ARID1A: variants seen among roughly 807,000 people sequenced by gnomAD.
The protein encoded by ARID1A is AT-rich interaction domain 1A, also known as AT-rich interactive domain-containing protein 1A.
Under a neutral mutation model 212.6 loss-of-function variants are expected in ARID1A, and 20 were observed. The ratio of observed to expected loss-of-function variants is 0.09; its 90% CI spans 0.07 to 0.14. The LOEUF (loss-of-function observed/expected upper bound fraction) is 0.14. Among genes scored for constraint, ARID1A ranks in the 10% least tolerant of loss-of-function variants. The pLI is 1.00. For missense variants in ARID1A, 2,587 were observed against 3,059.0 expected, an observed-to-expected ratio of 0.85 and a Z score of 3.64; for synonymous variants, 1,376 against 1,222.1, an observed-to-expected ratio of 1.13 and a Z score of -2.63.
chr1:26,777,393 A>AT (rs773418013), intron 19 of ARID1A, among the ~76,000 whole-genome samples: 3,324 of 136,340 alleles, frequency 0.024, 58 homozygotes, highest in African/African-American at 0.05. Flanking sequence ...TGCTCAGCTA[A>AT]TTTTTTTTTT....
intron 1 of ARID1A, among the ~76,000 whole-genome samples, chr1:26,713,839 T>C (rs75135799): frequency 0.011 from 1,615 of 152,340 alleles, 19 homozygotes; most frequent in African/African-American, 0.036. Context: ...CAGTACAGAT[T>C]TGTAACATTG....
intron 1 of ARID1A, among the ~76,000 whole-genome samples, chr1:26,722,094 C>T (rs1389570207): frequency 6.6e-6 from 1 of 152,148 alleles, no homozygotes; most frequent in African/African-American, 2.4e-5. Context: ...CATCTGGTTG[C>T]AAGCGCCTTC....
At chr1:26,717,233 G>A (rs2080512182) in intron 1 of ARID1A, among the ~76,000 whole-genome samples, 1 of 152,042 alleles carries the variant, frequency 6.6e-6, no homozygotes, top group Non-Finnish European at 1.5e-5. Flanking sequence ...TTTTTAAGTA[G>A]GTATTTTGAA....
intron 1 of ARID1A, among the ~76,000 whole-genome samples, chr1:26,710,201 C>T (rs1201274188): frequency 2.0e-5 from 3 of 148,354 alleles, no homozygotes; most frequent in Middle Eastern, 3.4e-3. Context: ...TTTGGGAGGC[C>T]AAGGCGGGTG....
chr1:26,727,249 C>T (rs1055680219), intron 1 of ARID1A, among the ~76,000 whole-genome samples: 18 of 152,116 alleles, frequency 1.2e-4, no homozygotes, highest in Admixed American at 1.0e-3. Context: ...ACTACACTAC[C>T]CTCTATGTAA....
At chr1:26,732,873 T>C in intron 4 of ARID1A, 81 bp downstream of exon 4, 1 of 1,249,446 alleles carries the variant, frequency 8.0e-7, no homozygotes, top group Non-Finnish European at 1.1e-6. Flanking sequence ...GGTTGGAAGT[T>C]TAGCTAATTT....
At chr1:26,746,043 C>A (rs942167694) in intron 4 of ARID1A, among the ~76,000 whole-genome samples, 1 of 152,106 alleles carries the variant, frequency 6.6e-6, no homozygotes, top group Non-Finnish European at 1.5e-5. Flanking sequence ...AAGAGCAAAA[C>A]TCTGTCTCAA....
Position 26,709,932 on chromosome 1 carries a change from A to G in ARID1A, c.1137+12392A>G, listed in dbSNP as rs112860776. Among the ~76,000 whole-genome samples the G allele has an allele frequency of 2.6e-5, 4 of 151,632 alleles. 1 individual carries two copies. Among genetic ancestry groups the G allele is most frequent in the African/African-American group, 9.7e-5 (4 of 41,432 alleles). On this transcript the variant is annotated intron_variant, in intron 1 of 19. Transcript: ENST00000324856. ...CTGCAACCTCCGCCTCCTGGGCTCA[A>G]GCAATTCTCCTGCCTCAGCCTCCCG... is the stretch of plus-strand genomic sequence containing the variant.
At position 26,780,513 on chromosome 1, in the gene ARID1A, C is replaced by T. The variant is rs1247083123; in HGVS notation, c.6615C>T (p.Ala2205=). 2 of 1,614,088 alleles carry T rather than the reference C, an allele frequency of 1.2e-6. No homozygotes were observed. The highest frequency in any genetic ancestry group is 4.5e-5 in the East Asian group (2 of 44,894). The change falls in exon 20 of 20, where the codon GCC becomes GCT. Residue 2205 remains alanine (A), a synonymous_variant. Transcript: ENST00000324856. This position sits in a 1 kb window ranked among gnomAD's most constrained non-coding sequence, Gnocchi z 7.2. The part of the protein sequence containing the change: ...LLGFLEDSLA[A]TQFQQSQASL... ...GCTTCCTAGAGGACAGCCTTGCCGC[C>T]ACACAGTTCCAGCAGAGCCAGGCCA...
At chr1:26,749,490 A>G (rs2080866476) in intron 4 of ARID1A, among the ~76,000 whole-genome samples, 1 of 152,142 alleles carries the variant, frequency 6.6e-6, no homozygotes, top group African/African-American at 2.4e-5. Flanking sequence ...TGGAAAATCA[A>G]TGGCTGCTGC....
At chr1:26,756,353 C>T (rs1003200389) in intron 4 of ARID1A, among the ~76,000 whole-genome samples, 2 of 151,852 alleles carry the variant, frequency 1.3e-5, no homozygotes, top group African/African-American at 2.4e-5. Flanking sequence ...GTCAGGAGTT[C>T]GAGACCAGCC....
chr1:26,762,082 G>C (rs2080997446), intron 6 of ARID1A, 70 bp from the exon 7 acceptor site: 1 of 1,458,998 alleles, frequency 6.9e-7, no homozygotes, highest in Non-Finnish European at 9.2e-7. Context: ...TAAAGTCCCA[G>C]GATAAGGATG....
chr1:26,732,835 G>C, intron 4 of ARID1A, 43 bp downstream of exon 4: 1 of 1,496,770 alleles, frequency 6.7e-7, no homozygotes, highest in Non-Finnish European at 9.3e-7. Flanking sequence ...GGGGCAGAGA[G>C]GAAACCAATG....
Position 26,781,523 on chromosome 1 carries a change from C to T in ARID1A, c.*767C>T, listed in dbSNP as rs960826442. On this transcript the variant is annotated 3_prime_UTR_variant, in exon 20 of 20. Transcript: ENST00000324856. ...GAACCTACAACACCCTGACCTCTTT[C>T]TCTCCTCCTTGATTGTATGAATAAC... 6.0e-5 allele frequency: 14 copies of T among 233,196 alleles called. No homozygotes were observed. In the Admixed American group the frequency reaches 7.9e-4, roughly 13 times the overall value. 14.4% of individuals were successfully genotyped at this position (233,196 alleles called of 1,614,324 possible).
intron 4 of ARID1A, among the ~76,000 whole-genome samples, chr1:26,743,819 G>A (rs1207668935): frequency 2.0e-5 from 3 of 151,908 alleles, no homozygotes; most frequent in Non-Finnish European, 2.9e-5. Context: ...ACATTTGAAG[G>A]ATTTTAATTT....
chr1:26,762,148 A>G lies in ARID1A; in HGVS notation c.2252-4A>G. ...ATAACTATATGGATGCTACCCACAA[A>G]TAGGTTATATGCAGAGGAACCCCCA... On this transcript the variant is annotated splice_polypyrimidine_tract_variant and splice_region_variant and intron_variant, in intron 6 of 19. Transcript: ENST00000324856. 2.5e-6 allele frequency: 4 copies of G among 1,610,158 alleles called. No individual in the cohort carries two copies. The highest frequency in any genetic ancestry group is 3.4e-6 in the Non-Finnish European group (4 of 1,177,870).
intron 4 of ARID1A, among the ~76,000 whole-genome samples, chr1:26,741,562 G>A (rs1292954391): frequency 1.3e-5 from 2 of 152,144 alleles, no homozygotes; most frequent in Non-Finnish European, 2.9e-5. Flanking sequence ...ACATCTTTCT[G>A]GAGTTGTGAG....
intron 1 of ARID1A, among the ~76,000 whole-genome samples, chr1:26,728,648 T>C (rs923602036): frequency 2.4e-4 from 36 of 152,206 alleles, no homozygotes; most frequent in Non-Finnish European, 1.5e-5. Context: ...TATCAGTATC[T>C]ATTTCACCCC....
At chr1:26,702,807 G>T (rs780623978) in intron 1 of ARID1A, among the ~76,000 whole-genome samples, 52 of 152,316 alleles carry the variant, frequency 3.4e-4, no homozygotes, top group Middle Eastern at 3.4e-3. Context: ...TGCGTGCTAA[G>T]TTCAGGGCAT....
Sources: gnomAD v4.1 joint callset for allele counts (sites outside exome capture counted in the v4.1 genomes callset) on GRCh38, gnomAD v4.1.1 for gene constraint, Gnocchi (gnomAD v3.1) non-coding constraint, MANE v1.5 for transcripts, NCBI Gene and HGNC (gene_info 2026-07-23, HGNC 2026-07-21) for gene names.